KRABD3: variants seen among roughly 807,000 people sequenced by gnomAD.
KRABD3 encodes KRAB domain-containing protein 3.
the KRABD3 span, chr7:149,730,267 C>G: frequency 1.0e-5 from 16 of 1,553,958 alleles, no homozygotes; most frequent in East Asian, 1.2e-4. Flanking sequence ...AGCCCCGGCT[C>G]CAGCTCGAGC....
At chr7:149,718,588 G>A in the KRABD3 span, among the ~76,000 whole-genome samples, 3 of 134,812 alleles carry the variant, frequency 2.2e-5, no homozygotes, top group Non-Finnish European at 4.6e-5. Flanking sequence ...GCGTGATCTC[G>A]GCTCACTGCA....
the KRABD3 span, among the ~76,000 whole-genome samples, chr7:149,716,337 G>A: frequency 6.6e-6 from 1 of 152,248 alleles, no homozygotes; most frequent in Non-Finnish European, 1.5e-5. Flanking sequence ...AGTTACAAGA[G>A]TCCTGGGTCA....
the KRABD3 span, chr7:149,719,983 GC>G: frequency 6.5e-7 from 1 of 1,534,832 alleles, no homozygotes; most frequent in Non-Finnish European, 8.8e-7. This position sits in a 1 kb window ranked among gnomAD's most constrained non-coding sequence, Gnocchi z 5.6. Flanking sequence ...CATTCCCAGG[GC>G]CACAGTTCCC....
chr7:149,733,449 G>A, the KRABD3 span: 1 of 1,588,140 alleles, frequency 6.3e-7, no homozygotes. Context: ...GCCACCATGA[G>A]GACCCAGGTG....
chr7:149,723,536 A>G, the KRABD3 span: 2 of 568,716 alleles, frequency 3.5e-6, no homozygotes, highest in Non-Finnish European at 6.2e-6. Flanking sequence ...TGCAGGGCGA[A>G]TTCCATGGCT....
the KRABD3 span, chr7:149,721,483 G>C: frequency 1.7e-5 from 27 of 1,612,798 alleles, no homozygotes; most frequent in Middle Eastern, 1.3e-3. Context: ...CCGACAGCTC[G>C]TGTTCCAGTG....
the KRABD3 span, chr7:149,724,760 C>A: frequency 6.4e-7 from 1 of 1,572,464 alleles, no homozygotes; most frequent in East Asian, 2.4e-5. Context: ...GGACCTGCAT[C>A]CTGTCAGCCT....
chr7:149,729,336 C>A, the KRABD3 span: 1 of 1,586,354 alleles, frequency 6.3e-7, no homozygotes, highest in Non-Finnish European at 8.6e-7. Context: ...ACCCTGGGGC[C>A]ACCAGGCCAG....
chr7:149,721,810 T>C, the KRABD3 span: 1 of 622,330 alleles, frequency 1.6e-6, no homozygotes, highest in East Asian at 3.3e-5. Context: ...CTCCGGCAGT[T>C]TCTAACATGC....
the KRABD3 span, chr7:149,723,723 T>G: frequency 6.5e-7 from 1 of 1,533,198 alleles, no homozygotes; most frequent in African/African-American, 2.3e-5. Context: ...AACATGTTCC[T>G]TTTTCCTTAG....
the KRABD3 span, chr7:149,722,028 C>T: frequency 6.8e-5 from 26 of 380,378 alleles, no homozygotes; most frequent in South Asian, 5.6e-4. Flanking sequence ...AAAATTGGCA[C>T]TCCCAAAGAG....
the KRABD3 span, among the ~76,000 whole-genome samples, chr7:149,732,016 G>T: frequency 6.6e-6 from 1 of 152,250 alleles, no homozygotes; most frequent in East Asian, 1.9e-4. This position sits in a 1 kb window ranked among gnomAD's most constrained non-coding sequence, Gnocchi z 4.0. Context: ...TTTGGGGCTT[G>T]AGGGGACTTT....
the KRABD3 span, among the ~76,000 whole-genome samples, chr7:149,715,796 GA>G: frequency 6.6e-6 from 1 of 152,198 alleles, no homozygotes; most frequent in African/African-American, 2.4e-5. Context: ...GGGGAGAAGG[GA>G]GAGGCTAGGC....
At chr7:149,715,447 T>G in the KRABD3 span, 23 of 804,488 alleles carry the variant, frequency 2.9e-5, no homozygotes, top group African/African-American at 4.2e-4. Context: ...AAACCCCAAG[T>G]TTTGTCTTGG....
the KRABD3 span, chr7:149,719,410 A>T: frequency 4.6e-6 from 4 of 875,260 alleles, no homozygotes; most frequent in Non-Finnish European, 6.6e-6. This position sits in a 1 kb window ranked among gnomAD's most constrained non-coding sequence, Gnocchi z 5.6. Context: ...TCTTGAGGGG[A>T]TTCCTGCATG....
At chr7:149,722,474 C>T in the KRABD3 span, 12 of 1,606,672 alleles carry the variant, frequency 7.5e-6, no homozygotes, top group Non-Finnish European at 9.3e-6. Context: ...GAGCCCTGGG[C>T]GGGGAGCCCA....
At chr7:149,723,084 AC>A in the KRABD3 span, 1 of 773,290 alleles carries the variant, frequency 1.3e-6, no homozygotes, top group South Asian at 2.3e-5. Context: ...TGCCAGTGTC[AC>A]CTTTCTGGAG....
the KRABD3 span, chr7:149,719,519 C>A: frequency 6.5e-7 from 1 of 1,535,550 alleles, no homozygotes; most frequent in Non-Finnish European, 8.7e-7. The surrounding 1 kb of genome is among the most constrained non-coding windows in gnomAD (Gnocchi z 5.6). Context: ...ATGGAACAAC[C>A]AACCCCCCCG....
chr7:149,726,941 T>C, the KRABD3 span, among the ~76,000 whole-genome samples: 2 of 152,238 alleles, frequency 1.3e-5, no homozygotes, highest in African/African-American at 4.8e-5. Context: ...CCTTTTTGCA[T>C]TGAATTCCTT....
Sources: gnomAD v4.1 joint callset for allele counts (sites outside exome capture counted in the v4.1 genomes callset) on GRCh38, gnomAD v4.1.1 for gene constraint, Gnocchi (gnomAD v3.1) non-coding constraint, MANE v1.5 for transcripts, NCBI Gene and HGNC (gene_info 2026-07-23, HGNC 2026-07-21) for gene names.